FREM2: variants seen among roughly 807,000 people sequenced by gnomAD.
The protein encoded by FREM2 is FRAS1-related extracellular matrix protein 2.
FREM2 carries 119 observed loss-of-function variants against 219.9 expected under a neutral mutation model. That is an observed-to-expected ratio of 0.54 (90% CI 0.47 to 0.63). The LOEUF is 0.63. FREM2 is among the 30% of genes least tolerant of loss of function. FREM2 has a pLI of 0.00. For synonymous variants in FREM2, 1,562 were observed against 1,522.8 expected (o/e 1.03, Z -0.60); for missense variants, 4,030 against 3,993.6 (o/e 1.01, Z -0.25).
chr13:38,784,899 A>G (rs1874266655), intron 6 of FREM2, 91 bp downstream of exon 6: 3 of 1,329,600 alleles, frequency 2.3e-6, no homozygotes, highest in Admixed American at 3.6e-5. Context: ...ATCTAAAACA[A>G]TGATAATATA....
intron 2 of FREM2, among the ~76,000 whole-genome samples, chr13:38,762,249 A>C (rs892438768): frequency 2.0e-5 from 3 of 152,154 alleles, no homozygotes; most frequent in Admixed American, 2.0e-4. Flanking sequence ...GTCAGACAGC[A>C]GCTAGAAGTG....
chr13:38,749,700 G>C lies in FREM2; in HGVS notation c.5264-14604G>C, dbSNP rs374817324. 6.6e-5 allele frequency among the ~76,000 whole-genome samples: 10 copies of C among 151,998 alleles called. No individual in the cohort carries two copies. In the East Asian group the frequency reaches 7.8e-4, roughly 12 times the overall value. Reference sequence around the variant, plus strand: ...TTGCCCTTCACCCCCTCCCCAACTTGTGACAGCCAAAACTATCTCCAGACA... The same window carrying C: ...TTGCCCTTCACCCCCTCCCCAACTTCTGACAGCCAAAACTATCTCCAGACA... On this transcript the variant is annotated intron_variant, in intron 2 of 23. Transcript: ENST00000280481.
intron 2 of FREM2, among the ~76,000 whole-genome samples, chr13:38,705,330 G>GCTGC (rs1278798658): frequency 1.3e-5 from 2 of 152,166 alleles, no homozygotes; most frequent in Non-Finnish European, 2.9e-5. Context: ...AGAGAATGGT[G>GCTGC]CTGCCATTTA....
rs140188118 is a variant in FREM2 at position 38,751,758 on chromosome 13, T to G, written c.5264-12546T>G. Among the ~76,000 whole-genome samples the G allele has an allele frequency of 4.2e-3, 642 of 152,284 alleles. 8 individuals are homozygous for G. Among genetic ancestry groups the G allele is most frequent in the African/African-American group, 0.014 (598 of 41,556 alleles). On this transcript the variant is annotated intron_variant, in intron 2 of 23. Coordinates refer to ENST00000280481, the MANE Select transcript of FREM2 (RefSeq NM_207361.6). ...CTAACATATGTGCTTTTCATGGACC[T>G]CGTTCCAAAATATCAATTAAATAAA...
chr13:38,842,684 A>G (rs1404519480), intron 6 of FREM2, among the ~76,000 whole-genome samples: 1 of 152,252 alleles, frequency 6.6e-6, no homozygotes, highest in Non-Finnish European at 1.5e-5. Flanking sequence ...GGCTCCAGAT[A>G]GCAATTACTA....
chr13:38,753,017 C>T (rs2496395), intron 2 of FREM2, among the ~76,000 whole-genome samples: 2,447 of 152,218 alleles, frequency 0.016, 57 homozygotes, highest in African/African-American at 0.056. Context: ...TAAATTTATT[C>T]GTAGCTTCAG....
intron 3 of FREM2, among the ~76,000 whole-genome samples, chr13:38,768,738 T>C (rs890663493): frequency 6.6e-6 from 1 of 152,228 alleles, no homozygotes; most frequent in Non-Finnish European, 1.5e-5. Flanking sequence ...TGCCGTTTTA[T>C]AATTTTTCTA....
chr13:38,724,503 G>T (rs1249099673), intron 2 of FREM2, among the ~76,000 whole-genome samples: 4 of 152,086 alleles, frequency 2.6e-5, no homozygotes, highest in African/African-American at 7.2e-5. Flanking sequence ...CAGAACTAAA[G>T]ATTTTAAAGC....
intron 13 of FREM2, 101 bp downstream of exon 13, chr13:38,858,134 G>C: frequency 9.9e-7 from 1 of 1,011,956 alleles, no homozygotes; most frequent in Non-Finnish European, 1.5e-6. Flanking sequence ...AATGAAAGTA[G>C]AAAAATACTA....
Position 38,692,431 on chromosome 13 carries a change from T to C in FREM2, c.5087T>C (p.Leu1696Pro). 6.2e-7 allele frequency: 1 copy of C among 1,613,836 alleles called. No individual in the cohort carries two copies. The change falls in exon 1 of 24, where the codon CTT becomes CCT. Residue 1696 changes from leucine (L) to proline (P), a missense_variant. Physicochemically the swap from Leu to Pro is moderately conservative, Grantham distance 98 (BLOSUM62 -3). Transcript: ENST00000280481. Reference sequence around the variant, plus strand: ...GACAGAGACAGCTTACACATTTCTCTTAGATTTATCGTGACAGAGGCCCCT... The same window carrying C: ...GACAGAGACAGCTTACACATTTCTCCTAGATTTATCGTGACAGAGGCCCCT... ...VEDRDSLHIS[L>P]RFIVTEAPQH...
rs1207411200 is a variant in FREM2, at chr13:38,883,388, A to G, written c.*2601A>G. 6.6e-6 allele frequency: 1 copy of G among 152,208 alleles called. No individual in the cohort carries two copies. The highest frequency in any genetic ancestry group is 1.5e-5 in the Non-Finnish European group (1 of 68,026). 9.4% of individuals were successfully genotyped at this position (152,208 alleles called of 1,614,324 possible). A position where few individuals can be genotyped will look rare whatever the true frequency, so the allele number is the denominator to read the frequency against. ...ATTCTGGTACTATCAGAACAAATACATAAAATAACTTCCCATAGAGAACAG... is the reference window on the plus strand; with the variant it reads ...ATTCTGGTACTATCAGAACAAATACGTAAAATAACTTCCCATAGAGAACAG... On this transcript the variant is annotated 3_prime_UTR_variant, in exon 24 of 24. Transcript: ENST00000280481.
chr13:38,855,981 T>G, intron 11 of FREM2, 145 bp from the exon 12 acceptor site: 1 of 585,974 alleles, frequency 1.7e-6, no homozygotes, highest in African/African-American at 1.9e-5. Flanking sequence ...TTGATTTCAT[T>G]TTACACACAC....
Position 38,691,671 on chromosome 13 carries a change from C to G in FREM2, c.4327C>G (p.Leu1443Val), listed in dbSNP as rs1394756527. 1 of 1,614,000 alleles carries G rather than the reference C, an allele frequency of 6.2e-7. No individual in the cohort carries two copies. The highest frequency in any genetic ancestry group is 8.5e-7 in the Non-Finnish European group (1 of 1,180,016). Residue 1443 changes from leucine (L) to valine (V), a missense_variant, in exon 1 of 24, where the codon CTA (leucine) becomes GTA (valine). This residue lies in a region of FREM2 where 3,102 missense variants were observed against 2,950.7 expected (regional missense o/e 1.05). Transcript: ENST00000280481. The part of the protein sequence containing the change: ...EGGKVTLTTD[L>V]LSTSDLNSPD... Reference sequence around the variant, plus strand: ...TGGCAAAGTCACTCTTACAACAGACCTACTAAGCACTAGTGACTTGAACAG... The same window carrying G: ...TGGCAAAGTCACTCTTACAACAGACGTACTAAGCACTAGTGACTTGAACAG...
Position 38,878,811 on chromosome 13 carries a change from A to G in FREM2, c.8860-20A>G, listed in dbSNP as rs772583882. 2 of 1,613,798 alleles carry G rather than the reference A, an allele frequency of 1.2e-6. No homozygotes were observed. The highest frequency in any genetic ancestry group is 1.7e-6 in the Non-Finnish European group (2 of 1,179,648). On this transcript the variant is annotated intron_variant, in intron 22 of 23. Transcript: ENST00000280481. ...CGTGGCATTATCTACAGCAATCACCACTTTCCTTACTGCTTAAAGGACAAA... is the reference window on the plus strand; with the variant it reads ...CGTGGCATTATCTACAGCAATCACCGCTTTCCTTACTGCTTAAAGGACAAA...
At chr13:38,730,597 A>G (rs898575150) in intron 2 of FREM2, among the ~76,000 whole-genome samples, 1 of 152,192 alleles carries the variant, frequency 6.6e-6, no homozygotes, top group Non-Finnish European at 1.5e-5. Flanking sequence ...GAAAGTAAAA[A>G]TTATACCTGA....
chr13:38,797,315 T>A, intron 6 of FREM2, among the ~76,000 whole-genome samples: 1 of 152,168 alleles, frequency 6.6e-6, no homozygotes, highest in East Asian at 1.9e-4. Context: ...TAAGATGCTG[T>A]CTCATTGTGA....
In FREM2 at chr13:38,882,031, C is replaced by G. The variant is rs989707484; in HGVS notation, c.*1244C>G. On this transcript the variant is annotated 3_prime_UTR_variant, in exon 24 of 24. Transcript: ENST00000280481. ...GCTCTGGCATCCCCAGTTCAGTGAA[C>G]TGGTACAATGTGGTCCCTCTCAATA... 5.9e-5 allele frequency: 9 copies of G among 152,228 alleles called. No homozygotes were observed. The highest frequency in any genetic ancestry group is 2.2e-4 in the African/African-American group (9 of 41,552). The allele number at this position is 152,228 out of a possible 1,614,324, so 9.4% of individuals were successfully genotyped here.
At chr13:38,742,841 A>G (rs955682198) in intron 2 of FREM2, among the ~76,000 whole-genome samples, 2 of 152,192 alleles carry the variant, frequency 1.3e-5, no homozygotes, top group Admixed American at 6.5e-5. Flanking sequence ...AACCAACAAC[A>G]TGTTTGAATT....
At chr13:38,805,769 C>T (rs1485384644) in intron 6 of FREM2, among the ~76,000 whole-genome samples, 1 of 151,684 alleles carries the variant, frequency 6.6e-6, no homozygotes, top group Non-Finnish European at 1.5e-5. Context: ...CTGTTAGCTA[C>T]AAATAGTAAT....
Sources: allele counts gnomAD v4.1 joint callset (sites outside exome capture counted in the v4.1 genomes callset), GRCh38; gene constraint gnomAD v4.1.1; regional missense constraint gnomAD v4.1.1; transcripts MANE v1.5; gene names NCBI Gene and HGNC (gene_info 2026-07-23, HGNC 2026-07-21).